Variants in ANXA3 observed in about 807,000 individuals in gnomAD.
The protein encoded by ANXA3 is 35-alpha calcimedin.
ANXA3 carries 46 observed loss-of-function variants against 48.8 expected under a neutral mutation model. The ratio of observed to expected loss-of-function variants is 0.94; its 90% CI spans 0.74 to 1.21. The LOEUF (loss-of-function observed/expected upper bound fraction) is 1.21. Among genes scored for constraint, ANXA3 ranks in the 50% most tolerant of loss-of-function variants. The probability of loss-of-function intolerance (pLI) is 0.00; values close to 1 mark genes in which losing one functional copy is unlikely to be tolerated. For missense variants in ANXA3, 383 were observed against 378.6 expected (o/e 1.01, Z -0.10); for synonymous variants, 128 against 134.7 (o/e 0.95, Z 0.35).
chr4:78,560,374 T>C (rs1390739), intron 2 of ANXA3, among the ~76,000 whole-genome samples: 109,999 of 152,020 alleles, frequency 0.72, 40,818 homozygotes, highest in East Asian at 0.88. Flanking sequence ...AAGAATTCCC[T>C]AGAATGATTC....
rs1471344049 is a variant in ANXA3 at position 78,579,024 on chromosome 4, T to G, written c.104-3T>G. The G allele has an allele frequency of 6.2e-7, 1 of 1,602,336 alleles. No individual in the cohort carries two copies. The highest frequency in any genetic ancestry group is 1.1e-5 in the South Asian group (1 of 90,486). On this transcript the variant is annotated splice_region_variant and splice_polypyrimidine_tract_variant and intron_variant, in intron 3 of 12. Coordinates refer to ENST00000264908, the MANE Select transcript of ANXA3 (RefSeq NM_005139.3). ...TGAGTAAAATAACTTTTGTTTCATT[T>G]AGGAACTGATGAGAAAATGCTCATC...
intron 6 of ANXA3, among the ~76,000 whole-genome samples, chr4:78,588,202 G>C (rs1723216697): frequency 6.6e-6 from 1 of 152,008 alleles, no homozygotes; most frequent in Admixed American, 6.6e-5. Context: ...GACCAGCCCA[G>C]GCAACATGAC....
intron 2 of ANXA3, among the ~76,000 whole-genome samples, chr4:78,555,110 C>T (rs1722483799): frequency 6.6e-6 from 1 of 152,214 alleles, no homozygotes; most frequent in Admixed American, 6.5e-5. Flanking sequence ...GAGGCTGAGG[C>T]AGGAGAATCG....
At chr4:78,571,775 ATT>A (rs1317239640) in intron 2 of ANXA3, among the ~76,000 whole-genome samples, 1 of 152,188 alleles carries the variant, frequency 6.6e-6, no homozygotes, top group Non-Finnish European at 1.5e-5. Context: ...CTCATAAGCA[ATT>A]TTAAAATATT....
intron 6 of ANXA3, among the ~76,000 whole-genome samples, chr4:78,589,045 G>A (rs1451515182): frequency 6.6e-6 from 1 of 152,184 alleles, no homozygotes; most frequent in Non-Finnish European, 1.5e-5. Context: ...GATCCCTGGA[G>A]CCCAGCATTT....
chr4:78,602,254 A>AAG (rs1311939232), intron 11 of ANXA3: 4 of 152,030 alleles, frequency 2.6e-5, no homozygotes, highest in Admixed American at 6.5e-5. Flanking sequence ...AAAAAAAAAA[A>AAG]AAAAGAAAAT....
chr4:78,568,499 G>A (rs1722776575), intron 2 of ANXA3, among the ~76,000 whole-genome samples: 1 of 152,178 alleles, frequency 6.6e-6, no homozygotes, highest in South Asian at 2.1e-4. Flanking sequence ...TTTCTGAAGT[G>A]ATGAGTGATC....
intron 3 of ANXA3, among the ~76,000 whole-genome samples, chr4:78,578,330 AAAGG>A (rs1220052438): frequency 1.7e-3 from 179 of 103,558 alleles, no homozygotes; most frequent in East Asian, 3.4e-3. Context: ...AGAGAGAGAG[AAAGG>A]GAGGGAGGGA....
chr4:78,593,983 A>G (rs1471887307), intron 7 of ANXA3, among the ~76,000 whole-genome samples: 1 of 152,100 alleles, frequency 6.6e-6, no homozygotes, highest in African/African-American at 2.4e-5. Flanking sequence ...TAATAAATGT[A>G]TAATGTCATA....
In ANXA3 at chr4:78,604,274, C is replaced by T; in HGVS notation, c.790-3C>T. 6.2e-7 allele frequency: 1 copy of T among 1,600,430 alleles called. No homozygotes were observed. Among genetic ancestry groups the T allele is most frequent in the Non-Finnish European group, 8.5e-7 (1 of 1,170,738 alleles). On this transcript the variant is annotated splice_region_variant and splice_polypyrimidine_tract_variant and intron_variant, in intron 11 of 12. Transcript: ENST00000264908. ...TGTTGTGAACACCTGCATTCCTTAA[C>T]AGGGTATTGGAACTGATGAGTTTAC...
rs186280837 is a variant in ANXA3 at position 78,601,957 on chromosome 4, G to A, written c.789+389G>A. 2.5e-3 allele frequency: 399 copies of A among 157,506 alleles called. 1 individual carries two copies. The highest frequency in any genetic ancestry group is 9.3e-3 in the African/African-American group (385 of 41,608). 9.8% of individuals were successfully genotyped at this position (157,506 alleles called of 1,614,324 possible). On this transcript the variant is annotated intron_variant, in intron 11 of 12. Coordinates refer to ENST00000264908, the MANE Select transcript of ANXA3 (RefSeq NM_005139.3). ...CTCTATTTTAAATAGAAAATGAGAA[G>A]GCAGGCCAGGCGCGGTGGCTCACGC...
At chr4:78,571,141 A>G (rs902414885) in intron 2 of ANXA3, 3 of 152,132 alleles carry the variant, frequency 2.0e-5, no homozygotes, top group African/African-American at 7.2e-5. Context: ...CCTCCCAAGT[A>G]GCTGGGACCA....
chr4:78,610,097 C>T lies in ANXA3; in HGVS notation c.954C>T (p.Ile318=). 1 of 1,610,920 alleles carries T rather than the reference C, an allele frequency of 6.2e-7. No homozygotes were observed. The part of the protein sequence containing the change: ...SGDYEITLLK[I]CGGDD ...ACTATGAAATCACACTCTTAAAAAT[C>T]TGTGGTGGAGATGACTGAACCAAGA... The change falls in exon 13 of 13, where the codon ATC becomes ATT. Residue 318 remains isoleucine (I), a synonymous_variant. Coordinates refer to ENST00000264908, the MANE Select transcript of ANXA3 (RefSeq NM_005139.3).
At chr4:78,604,690 T>C (rs577355599) in intron 12 of ANXA3, among the ~76,000 whole-genome samples, 1 of 152,250 alleles carries the variant, frequency 6.6e-6, no homozygotes, top group Admixed American at 6.5e-5. Context: ...TATATTGCAC[T>C]GTTTTTATTT....
At chr4:78,569,300 A>G (rs1460009462) in intron 2 of ANXA3, among the ~76,000 whole-genome samples, 1 of 152,130 alleles carries the variant, frequency 6.6e-6, no homozygotes, top group Non-Finnish European at 1.5e-5. Context: ...CCAAGTATTC[A>G]GGTGATGTTC....
intron 2 of ANXA3, among the ~76,000 whole-genome samples, chr4:78,570,839 CA>C (rs560234812): frequency 2.4e-3 from 365 of 152,288 alleles, no homozygotes; most frequent in African/African-American, 8.7e-3. Context: ...AGTTCTTTTA[CA>C]ATGCCAGACA....
At chr4:78,567,087 G>C (rs1008862963) in intron 2 of ANXA3, among the ~76,000 whole-genome samples, 2 of 152,202 alleles carry the variant, frequency 1.3e-5, no homozygotes, top group Non-Finnish European at 2.9e-5. Flanking sequence ...CATAGGCACA[G>C]TGATCATTGC....
intron 2 of ANXA3, among the ~76,000 whole-genome samples, chr4:78,567,637 C>T (rs948382274): frequency 1.3e-5 from 2 of 152,126 alleles, no homozygotes; most frequent in Non-Finnish European, 2.9e-5. Flanking sequence ...TCTCTGTGGG[C>T]AGCAACTTGC....
rs146381094 is a variant in ANXA3 at position 78,606,546 on chromosome 4, G to A, written c.912+2147G>A. Among the ~76,000 whole-genome samples, 8 of 152,252 alleles carry A rather than the reference G, an allele frequency of 5.3e-5. No individual in the cohort carries two copies. In the East Asian group the frequency reaches 1.5e-3, roughly 29 times the overall value. ...CATTCCAGTGTCCCTGCCAGCAGCT[G>A]GAGTCTTTGGTCCAACCTTCGCTAT... On this transcript the variant is annotated intron_variant, in intron 12 of 12. Transcript: ENST00000264908.
Sources: allele counts gnomAD v4.1 joint callset (sites outside exome capture counted in the v4.1 genomes callset), GRCh38; gene constraint gnomAD v4.1.1; transcripts MANE v1.5; gene names NCBI Gene and HGNC (gene_info 2026-07-23, HGNC 2026-07-21).